Variants in AFG3L2 observed in about 807,000 individuals in gnomAD.
AFG3L2 encodes AFG3 like matrix AAA peptidase subunit 2.
Under a neutral mutation model 94.5 loss-of-function variants are expected in AFG3L2, and 54 were observed. The ratio of observed to expected loss-of-function variants is 0.57; its 90% CI spans 0.46 to 0.72. The LOEUF (loss-of-function observed/expected upper bound fraction) is 0.72, where lower values mean the gene tolerates loss of function less well. Among genes scored for constraint, AFG3L2 ranks in the 30% least tolerant of loss-of-function variants. The pLI is 0.00. For synonymous variants in AFG3L2, 377 were observed against 365.5 expected, an observed-to-expected ratio of 1.03 and a Z score of -0.36; for missense variants, 754 against 994.9, an observed-to-expected ratio of 0.76 and a Z score of 3.26.
Position 12,332,981 on chromosome 18 carries a change from A to AT in AFG3L2, c.2176-3199_2176-3198insA, listed in dbSNP as rs1437198506. 5.1e-3 allele frequency among the ~76,000 whole-genome samples: 190 copies of AT among 37,284 alleles called. 3 individuals are homozygous for AT. Among genetic ancestry groups the AT allele is most frequent in the South Asian group, 0.03 (31 of 1,036 alleles). 24.5% of individuals were successfully genotyped at this position (37,284 alleles called of 152,430 possible). A position where few individuals can be genotyped will look rare whatever the true frequency, so the allele number is the denominator to read the frequency against. ...TACTATAATATATTATATATTATAT[A>AT]AATATATTATATAAATTATATATAA... is the stretch of plus-strand genomic sequence containing the variant. On this transcript the variant is annotated intron_variant, in intron 16 of 16. Coordinates refer to ENST00000269143, the MANE Select transcript of AFG3L2 (RefSeq NM_006796.3).
chr18:12,366,815 C>A, intron 5 of AFG3L2, 150 bp downstream of exon 5: 2 of 1,086,006 alleles, frequency 1.8e-6, no homozygotes, highest in South Asian at 1.3e-5. Context: ...TCTCTAGTTG[C>A]AGTACTTCTC....
chr18:12,346,563 T>A (rs1428001635), intron 13 of AFG3L2, among the ~76,000 whole-genome samples: 1 of 152,052 alleles, frequency 6.6e-6, no homozygotes, highest in African/African-American at 2.4e-5. Context: ...TCTGCCTCCA[T>A]CCAGAGGCTT....
chr18:12,357,676 C>A (rs1173154330), intron 8 of AFG3L2, among the ~76,000 whole-genome samples: 1 of 152,122 alleles, frequency 6.6e-6, no homozygotes, highest in African/African-American at 2.4e-5. Context: ...CGGCTCACTG[C>A]AACCTCCACC....
intron 10 of AFG3L2, among the ~76,000 whole-genome samples, chr18:12,352,289 G>A (rs914952314): frequency 6.6e-6 from 1 of 152,312 alleles, no homozygotes; most frequent in South Asian, 2.1e-4. Context: ...ATCGCGGGAC[G>A]GAGGAGGCTT....
At chr18:12,342,236 G>C (rs1167092420) in intron 14 of AFG3L2, 1 of 152,116 alleles carries the variant, frequency 6.6e-6, no homozygotes, top group African/African-American at 2.4e-5. Context: ...AATGAAGACT[G>C]TCTCTTCTTC....
intron 1 of AFG3L2, among the ~76,000 whole-genome samples, chr18:12,373,039 A>G (rs933031459): frequency 2.0e-5 from 3 of 152,240 alleles, no homozygotes; most frequent in Non-Finnish European, 2.9e-5. Flanking sequence ...TGGTTTGTAA[A>G]TTAAAATGTC....
Position 12,360,307 on chromosome 18 carries a change from A to T in AFG3L2, c.628-256T>A. ...GGCTCTAAAATTATAAACTCAAAAA[A>T]CAGAATGAAAAACCTATTTGAAAAC... On this transcript the variant is annotated intron_variant, in intron 6 of 16. Coordinates refer to ENST00000269143, the MANE Select transcript of AFG3L2 (RefSeq NM_006796.3). 4 of 439,272 alleles carry T rather than the reference A, an allele frequency of 9.1e-6. No individual in the cohort carries two copies. In the South Asian group the frequency reaches 1.3e-4, roughly 14 times the overall value. The allele number at this position is 439,272 out of a possible 1,614,324, so 27.2% of individuals were successfully genotyped here. A position where few individuals can be genotyped will look rare whatever the true frequency, so the allele number is the denominator to read the frequency against.
At chr18:12,372,378 A>G (rs1909018001) in intron 1 of AFG3L2, among the ~76,000 whole-genome samples, 1 of 152,212 alleles carries the variant, frequency 6.6e-6, no homozygotes, top group Non-Finnish European at 1.5e-5. Flanking sequence ...ACTATAATCA[A>G]AAAGACAGAC....
At chr18:12,357,701 G>A (rs1908536642) in intron 8 of AFG3L2, among the ~76,000 whole-genome samples, 2 of 151,996 alleles carry the variant, frequency 1.3e-5, no homozygotes, top group Non-Finnish European at 2.9e-5. Context: ...AGGTTGAAGC[G>A]ATTCTCCTGC....
At chr18:12,367,521 T>C in intron 3 of AFG3L2, 139 bp from the exon 4 acceptor site, 2 of 800,714 alleles carry the variant, frequency 2.5e-6, no homozygotes, top group Non-Finnish European at 4.2e-6. Flanking sequence ...TGAAGCACTA[T>C]GAGAAAGAAT....
At chr18:12,360,147 A>T in intron 6 of AFG3L2, 96 bp from the exon 7 acceptor site, 1 of 1,153,216 alleles carries the variant, frequency 8.7e-7, no homozygotes, top group East Asian at 2.5e-5. Context: ...TTCCAGAAAT[A>T]CTGAAAATTT....
intron 13 of AFG3L2, among the ~76,000 whole-genome samples, chr18:12,347,133 C>CA (rs1001256870): frequency 7.2e-5 from 11 of 151,908 alleles, no homozygotes; most frequent in African/African-American, 1.2e-4. Flanking sequence ...TCTCAAAAAA[C>CA]AAAAAAACAA....
chr18:12,340,473 A>C, intron 14 of AFG3L2, 72 bp from the exon 15 acceptor site: 1 of 1,209,462 alleles, frequency 8.3e-7, no homozygotes, highest in Non-Finnish European at 1.2e-6. Context: ...GTGTATAAAC[A>C]GATAAACTCA....
At chr18:12,332,076 G>A (rs1190512761) in intron 16 of AFG3L2, among the ~76,000 whole-genome samples, 2 of 150,574 alleles carry the variant, frequency 1.3e-5, no homozygotes, top group Admixed American at 6.6e-5. Flanking sequence ...TATACCTAGT[G>A]TAAAGAAAAT....
Position 12,377,034 on chromosome 18 carries a change from G to C in AFG3L2, c.49C>G (p.Arg17Gly). The change falls in exon 1 of 17, where the codon CGC (arginine) becomes GGC (glycine). Residue 17 changes from arginine (R) to glycine (G), a missense_variant. Around this residue, in one of 4 missense-constraint regions of AFG3L2, gnomAD observed 236 missense variants for 214.0 expected, o/e 1.10. Transcript: ENST00000269143. Reference protein sequence around the residue: ...RLWGRGGCWPRGLQQLLVPGG... With the variant: ...RLWGRGGCWPGGLQQLLVPGG... ...GGCACGAGGAGCTGCTGTAGGCCGC[G>C]GGGCCAGCAGCCGCCCCGGCCCCAC... is the stretch of plus-strand genomic sequence containing the variant. 1 of 1,440,936 alleles carries C rather than the reference G, an allele frequency of 6.9e-7. No individual in the cohort carries two copies. The highest frequency in any genetic ancestry group is 9.1e-7 in the Non-Finnish European group (1 of 1,099,282). The allele number at this position is 1,440,936 out of a possible 1,614,324, so 89.3% of individuals were successfully genotyped here.
chr18:12,346,483 C>A (rs989745800), intron 13 of AFG3L2, among the ~76,000 whole-genome samples: 3 of 152,152 alleles, frequency 2.0e-5, no homozygotes, highest in South Asian at 2.1e-4. Flanking sequence ...ATTTTTTTTA[C>A]GGCTGTCACT....
At position 12,344,135 on chromosome 18, in the gene AFG3L2, T is replaced by C; in HGVS notation, c.1776A>G (p.Leu592=). 6.2e-7 allele frequency: 1 copy of C among 1,613,130 alleles called. No homozygotes were observed. The highest frequency in any genetic ancestry group is 8.5e-7 in the Non-Finnish European group (1 of 1,179,986). The change falls in exon 14 of 17, where the codon TTA becomes TTG. Residue 592 remains leucine, a synonymous_variant. Transcript: ENST00000269143. ...GWYLEHADPL[L]KVSIIPRGKG... ...TAGTGCAGCTACCCTGCTTCACCTT[T>C]AAAAGCGGGTCTGCGTGCTCCAGAT...
rs201966169 is a variant in AFG3L2, at chr18:12,360,045, C to T, written c.634G>A (p.Val212Ile). 211 of 1,613,740 alleles carry T rather than the reference C, an allele frequency of 1.3e-4. No homozygotes were observed. Among genetic ancestry groups the T allele is most frequent in the East Asian group, 6.2e-4 (28 of 44,888 alleles). Residue 212 changes from valine to isoleucine, a missense_variant, in exon 7 of 17, where the codon GTT becomes ATT. Val to Ile is a conservative substitution (Grantham distance 29, BLOSUM62 3). Coordinates refer to ENST00000269143, the MANE Select transcript of AFG3L2 (RefSeq NM_006796.3). ...PGKTPVDGQY[V>I]WFNIGSVDTF... ...TCCACACTGCCAATATTAAACCAAA[C>T]GTATTGCTATAAAAACAAAAAAACA...
Position 12,345,552 on chromosome 18 carries a change from G to A in AFG3L2, c.1664-1305C>T, listed in dbSNP as rs543636007. Among the ~76,000 whole-genome samples, 6 of 152,288 alleles carry A rather than the reference G, an allele frequency of 3.9e-5. No homozygotes were observed. The South Asian group carries it at 8.3e-4, about 21-fold the overall frequency. ...AAAACAGGAGTTAAGTCTGTCTGCC[G>A]ATGAACACTTCTGGCTTACCTGTAA... On this transcript the variant is annotated intron_variant, in intron 13 of 16. Coordinates refer to ENST00000269143, the MANE Select transcript of AFG3L2 (RefSeq NM_006796.3).
Sources: gnomAD v4.1 joint callset for allele counts (sites outside exome capture counted in the v4.1 genomes callset) on GRCh38, gnomAD v4.1.1 for gene constraint, gnomAD v4.1.1 regional missense constraint, MANE v1.5 for transcripts, NCBI Gene and HGNC (gene_info 2026-07-23, HGNC 2026-07-21) for gene names.